The following CRPPA variants were observed in gnomAD, a reference collection of about 807,000 sequenced individuals.
The protein encoded by CRPPA is CDP-L-ribitol pyrophosphorylase A.
CRPPA carries 43 observed loss-of-function variants against 52.0 expected under a neutral mutation model. The observed-to-expected ratio is 0.83, with a 90% CI of 0.65 to 1.07. The LOEUF (loss-of-function observed/expected upper bound fraction) is 1.07. Ranked by LOEUF, CRPPA falls within the 50% of genes least tolerant of loss-of-function variation. CRPPA has a pLI of 0.00. For synonymous variants in CRPPA, 250 were observed against 203.5 expected (o/e 1.23, Z -1.94); for missense variants, 629 against 551.7 (o/e 1.14, Z -1.40).
intron 3 of CRPPA, among the ~76,000 whole-genome samples, chr7:16,325,310 T>A (rs973192346): frequency 6.6e-6 from 1 of 152,264 alleles, no homozygotes; most frequent in South Asian, 2.1e-4. Context: ...AACCATAGAT[T>A]AGACAGATTA....
At chr7:16,350,860 T>C (rs1346699358) in intron 3 of CRPPA, among the ~76,000 whole-genome samples, 2 of 152,154 alleles carry the variant, frequency 1.3e-5, no homozygotes, top group Non-Finnish European at 2.9e-5. Flanking sequence ...GAGAGACTCA[T>C]TTCATCTTAA....
chr7:16,299,271 C>T (rs1222859341), intron 5 of CRPPA, among the ~76,000 whole-genome samples: 2 of 152,050 alleles, frequency 1.3e-5, no homozygotes, highest in African/African-American at 4.8e-5. Context: ...GAGTACAAGT[C>T]ATAAATGGAA....
chr7:16,378,023 G>C (rs1468718628), intron 2 of CRPPA, among the ~76,000 whole-genome samples: 4 of 152,136 alleles, frequency 2.6e-5, no homozygotes. Context: ...AGAGTAGGGA[G>C]TTTACTCCAA....
At chr7:16,405,830 C>T (rs1787938410) in intron 2 of CRPPA, among the ~76,000 whole-genome samples, 1 of 152,156 alleles carries the variant, frequency 6.6e-6, no homozygotes, top group Admixed American at 6.5e-5. Flanking sequence ...AACATTAATA[C>T]ATTCTTCTCC....
intron 9 of CRPPA, among the ~76,000 whole-genome samples, chr7:16,183,145 G>C (rs774766321): frequency 1.3e-5 from 2 of 152,026 alleles, no homozygotes; most frequent in African/African-American, 4.8e-5. Flanking sequence ...ATGTCAATAA[G>C]TGGTAGAGAA....
At chr7:16,366,853 T>G (rs551649644) in intron 3 of CRPPA, among the ~76,000 whole-genome samples, 1 of 150,542 alleles carries the variant, frequency 6.6e-6, no homozygotes. Context: ...CGTGAAGAGA[T>G]AAACACTTTC....
intron 5 of CRPPA, among the ~76,000 whole-genome samples, chr7:16,299,962 C>G (rs1784758296): frequency 6.6e-6 from 1 of 152,130 alleles, no homozygotes; most frequent in Non-Finnish European, 1.5e-5. Context: ...ACATACAAAG[C>G]TCTGTGAAGA....
At chr7:16,328,735 G>C (rs1213641928) in intron 3 of CRPPA, among the ~76,000 whole-genome samples, 1 of 152,038 alleles carries the variant, frequency 6.6e-6, no homozygotes, top group Non-Finnish European at 1.5e-5. Flanking sequence ...GGCTGGTCTT[G>C]AACTCCTGAC....
intron 9 of CRPPA, among the ~76,000 whole-genome samples, chr7:16,215,558 A>T (rs765619385): frequency 7.2e-5 from 11 of 152,234 alleles, no homozygotes; most frequent in Non-Finnish European, 1.6e-4. Context: ...AATGCCAGGC[A>T]GTGCTTTCAA....
intron 3 of CRPPA, among the ~76,000 whole-genome samples, chr7:16,354,702 AAAAGGGTGTGTTTCCAAG>A (rs1786251265): frequency 6.6e-6 from 1 of 152,170 alleles, no homozygotes; most frequent in Non-Finnish European, 1.5e-5. Flanking sequence ...TGTGGCTAAG[AAAAGGGTGTGTTTCCAAG>A]AAAGGAATTT....
chr7:16,250,365 TAC>T (rs1783412062), intron 8 of CRPPA, among the ~76,000 whole-genome samples: 1 of 152,064 alleles, frequency 6.6e-6, no homozygotes, highest in African/African-American at 2.4e-5. Flanking sequence ...ATTCAGGAAA[TAC>T]AGAGACCACC....
chr7:16,381,818 G>A (rs1787098249), intron 2 of CRPPA, among the ~76,000 whole-genome samples: 1 of 151,816 alleles, frequency 6.6e-6, no homozygotes. Flanking sequence ...TGCAACCCCT[G>A]CCTTTTTTTG....
At chr7:16,374,959 T>A (rs1030806359) in intron 3 of CRPPA, among the ~76,000 whole-genome samples, 1 of 152,192 alleles carries the variant, frequency 6.6e-6, no homozygotes, top group Admixed American at 6.5e-5. Context: ...ACCACTCCCA[T>A]CAAACACTGG....
intron 8 of CRPPA, among the ~76,000 whole-genome samples, chr7:16,233,322 A>G (rs965524234): frequency 2.0e-4 from 30 of 152,140 alleles, no homozygotes; most frequent in Admixed American, 3.3e-4. Flanking sequence ...TTAAAACCAC[A>G]TATCAACACA....
In CRPPA at chr7:16,215,486, T is replaced by TATTA. The variant is rs1247536708; in HGVS notation, c.1251+576_1251+579dup. Among the ~76,000 whole-genome samples the TATTA allele has an allele frequency of 7.2e-5, 11 of 152,368 alleles. 1 individual carries two copies. The highest frequency in any genetic ancestry group is 2.4e-4 in the African/African-American group (10 of 41,598). The stretch of plus-strand genomic sequence containing the variant: ...GCTTTCAGTGTAACTAACATGCAGC[T>TATTA]ATTAAAGACAGTGACAATGAATGCA... On this transcript the variant is annotated intron_variant, in intron 9 of 9. Coordinates refer to ENST00000407010, the MANE Select transcript of CRPPA (RefSeq NM_001101426.4).
intron 8 of CRPPA, among the ~76,000 whole-genome samples, chr7:16,253,374 T>C (rs1783514447): frequency 1.3e-5 from 2 of 152,242 alleles, no homozygotes; most frequent in African/African-American, 4.8e-5. Flanking sequence ...CCAGCAGTCA[T>C]TCAGGAGCAG....
At chr7:16,272,635 T>A (rs2128416438) in intron 6 of CRPPA, among the ~76,000 whole-genome samples, 1 of 152,294 alleles carries the variant, frequency 6.6e-6, no homozygotes, top group African/African-American at 2.4e-5. Context: ...TGAGATAAAT[T>A]TACCTTTATA....
At chr7:16,316,219 G>A (rs1306338308) in intron 3 of CRPPA, among the ~76,000 whole-genome samples, 1 of 152,046 alleles carries the variant, frequency 6.6e-6, no homozygotes, top group Non-Finnish European at 1.5e-5. Context: ...GGCAGAATAA[G>A]AAGCCAGGTA....
chr7:16,224,397 A>G (rs750463263), intron 8 of CRPPA, among the ~76,000 whole-genome samples: 3 of 152,156 alleles, frequency 2.0e-5, no homozygotes, highest in Non-Finnish European at 2.9e-5. Context: ...TGCAGAGTCT[A>G]TGTTCACAAT....
Sources: allele counts gnomAD v4.1 joint callset (sites outside exome capture counted in the v4.1 genomes callset), GRCh38; gene constraint gnomAD v4.1.1; transcripts MANE v1.5; gene names NCBI Gene and HGNC (gene_info 2026-07-23, HGNC 2026-07-21).